Variants in STPG2 observed in about 807,000 individuals in gnomAD.
STPG2 encodes the protein sperm tail PG-rich repeat containing 2, also known as sperm-tail PG-rich repeat-containing protein 2.
In STPG2, 56 loss-of-function variants were observed where a neutral mutation model predicts 54.2. That is an observed-to-expected ratio of 1.03 (90% CI 0.83 to 1.29). STPG2 has a LOEUF of 1.29. Ranked by LOEUF, STPG2 falls within the 50% of genes most tolerant of loss-of-function variation. The pLI, the probability that STPG2 is intolerant of heterozygous loss-of-function variation, is 0.00. For missense variants in STPG2, 596 were observed against 544.9 expected (o/e 1.09, Z -0.93); for synonymous variants, 200 against 181.8 (o/e 1.10, Z -0.81).
intron 5 of STPG2, among the ~76,000 whole-genome samples, chr4:98,009,912 C>A (rs1278853738): frequency 2.6e-5 from 4 of 151,878 alleles, no homozygotes; most frequent in Non-Finnish European, 5.9e-5. Flanking sequence ...TTCATAATAA[C>A]CTCTAATGAT....
intron 7 of STPG2, among the ~76,000 whole-genome samples, chr4:97,971,949 A>T (rs1734341639): frequency 6.6e-6 from 1 of 152,140 alleles, no homozygotes; most frequent in South Asian, 2.1e-4. Context: ...TATATTAAGC[A>T]TCTTCATTTT....
intron 8 of STPG2, among the ~76,000 whole-genome samples, chr4:97,853,046 G>A (rs1036901449): frequency 2.3e-5 from 3 of 130,114 alleles, no homozygotes; most frequent in Admixed American, 9.8e-5. Context: ...GAGCGATCTC[G>A]GCTCACTGCA....
intron 5 of STPG2, among the ~76,000 whole-genome samples, chr4:98,016,997 C>T (rs1735969662): frequency 6.6e-6 from 1 of 152,124 alleles, no homozygotes; most frequent in South Asian, 2.1e-4. Flanking sequence ...ACTGCTGAAT[C>T]CTTGGTCAGG....
At chr4:97,590,198 G>A (rs1733101489) in intron 10 of STPG2, among the ~76,000 whole-genome samples, 1 of 151,956 alleles carries the variant, frequency 6.6e-6, no homozygotes, top group African/African-American at 2.4e-5. Flanking sequence ...ATGCATAGGG[G>A]ACACTGTTCC....
intron 9 of STPG2, among the ~76,000 whole-genome samples, chr4:97,799,568 G>T (rs992274653): frequency 3.3e-5 from 5 of 152,196 alleles, no homozygotes; most frequent in Non-Finnish European, 7.3e-5. Flanking sequence ...AGTCTGATGG[G>T]CTTCCCTTTG....
At chr4:97,519,953 C>A (rs539049797) in intron 4 of STPG2, among the ~76,000 whole-genome samples, 1 of 152,014 alleles carries the variant, frequency 6.6e-6, no homozygotes, top group South Asian at 2.1e-4. Context: ...GTTGTGTAAC[C>A]TTGAGTAAGT....
intron 8 of STPG2, among the ~76,000 whole-genome samples, chr4:97,841,449 A>T (rs928771251): frequency 5.3e-5 from 8 of 151,756 alleles, no homozygotes; most frequent in African/African-American, 1.9e-4. Flanking sequence ...AATCAACATG[A>T]ACCCACATGG....
At chr4:97,486,753 C>A (rs1445448008) in intron 4 of STPG2, among the ~76,000 whole-genome samples, 1 of 150,718 alleles carries the variant, frequency 6.6e-6, no homozygotes, top group Non-Finnish European at 1.5e-5. Context: ...ATTGCAAAAT[C>A]ATGGAACCAA....
intron 10 of STPG2, among the ~76,000 whole-genome samples, chr4:97,610,967 TATA>T (rs1408403330): frequency 3.9e-5 from 6 of 152,084 alleles, no homozygotes; most frequent in Non-Finnish European, 8.8e-5. Context: ...CCATTCATAA[TATA>T]ATACTATTTA....
intron 9 of STPG2, among the ~76,000 whole-genome samples, chr4:97,811,953 G>A (rs1727753545): frequency 6.6e-6 from 1 of 152,018 alleles, no homozygotes; most frequent in Admixed American, 6.6e-5. Flanking sequence ...GTAGTATAAT[G>A]AAATGTTTAC....
At chr4:97,690,508 AATG>A (rs1272841048) in intron 10 of STPG2, among the ~76,000 whole-genome samples, 1 of 152,062 alleles carries the variant, frequency 6.6e-6, no homozygotes, top group Non-Finnish European at 1.5e-5. Context: ...CCTGATGTAT[AATG>A]ATTATACAAA....
chr4:98,063,276 C>T (rs1165388716), intron 5 of STPG2, among the ~76,000 whole-genome samples: 1 of 151,968 alleles, frequency 6.6e-6, no homozygotes, highest in Non-Finnish European at 1.5e-5. Flanking sequence ...CAGTGAAACC[C>T]CGTCTCTACT....
intron 1 of STPG2, among the ~76,000 whole-genome samples, chr4:98,141,287 A>G (rs1391137618): frequency 6.6e-5 from 10 of 152,210 alleles, no homozygotes; most frequent in Non-Finnish European, 8.8e-5. Context: ...CTTGTGGGAA[A>G]AATCAACACT....
intron 8 of STPG2, among the ~76,000 whole-genome samples, chr4:97,932,910 A>T (rs759199821): frequency 7.9e-5 from 12 of 152,176 alleles, no homozygotes; most frequent in Non-Finnish European, 1.5e-4. Flanking sequence ...ATCAATTGGT[A>T]TTCCTGGTTC....
At chr4:97,924,575 G>T (rs28367231) in intron 8 of STPG2, among the ~76,000 whole-genome samples, 56,728 of 151,960 alleles carry the variant, frequency 0.37, 10,665 homozygotes, top group Middle Eastern at 0.45. Flanking sequence ...TTCATTAGGG[G>T]AGGTAATTTT....
rs532319676 is a variant in STPG2, at chr4:97,593,862, C to G, written c.1321-34745G>C. ...AAACCAGGGGCTAGGTAACCGCCCC[C>G]CAAGATTTGGAGCATGTAGCCCAGA... On this transcript the variant is annotated intron_variant, in intron 10 of 10. Transcript: ENST00000295268. Among the ~76,000 whole-genome samples, 504 of 151,388 alleles carry G rather than the reference C, an allele frequency of 3.3e-3. 3 individuals carry two copies. The highest frequency in any genetic ancestry group is 0.012 in the African/African-American group (476 of 40,676).
intron 4 of STPG2, among the ~76,000 whole-genome samples, chr4:97,513,068 G>A (rs1014038391): frequency 5.9e-5 from 9 of 152,072 alleles, no homozygotes; most frequent in African/African-American, 2.2e-4. Context: ...ATCAATTAGG[G>A]TTTCCATGAC....
intron 1 of STPG2, among the ~76,000 whole-genome samples, chr4:98,142,523 C>T (rs1740327623): frequency 6.6e-6 from 1 of 151,018 alleles, no homozygotes; most frequent in Admixed American, 6.6e-5. Flanking sequence ...AGGGGCTCCC[C>T]TGAAGTGTGT....
At chr4:98,076,442 T>G (rs901697698) in intron 5 of STPG2, among the ~76,000 whole-genome samples, 3 of 152,184 alleles carry the variant, frequency 2.0e-5, no homozygotes, top group African/African-American at 7.2e-5. Context: ...ATCAACATGT[T>G]TGTTTCCACA....
Sources: gnomAD v4.1 joint callset for allele counts (sites outside exome capture counted in the v4.1 genomes callset) on GRCh38, gnomAD v4.1.1 for gene constraint, MANE v1.5 for transcripts, NCBI Gene and HGNC (gene_info 2026-07-23, HGNC 2026-07-21) for gene names.